The following CLEC16A variants were observed in gnomAD, a reference collection of about 807,000 sequenced individuals.
CLEC16A encodes the protein C-type lectin domain containing 16A, also known as protein CLEC16A.
A neutral mutation model predicts 109.5 loss-of-function variants in CLEC16A; 51 were observed. The observed-to-expected ratio is 0.47, with a 90% CI of 0.37 to 0.59. The LOEUF (loss-of-function observed/expected upper bound fraction) is 0.59, where lower values mean the gene tolerates loss of function less well. Ranked by LOEUF, CLEC16A falls within the 20% of genes least tolerant of loss-of-function variation. The pLI is 0.00. For missense variants in CLEC16A, 1,339 were observed against 1,394.0 expected, an observed-to-expected ratio of 0.96 and a Z score of 0.63; for synonymous variants, 673 against 564.2, an observed-to-expected ratio of 1.19 and a Z score of -2.73.
chr16:10,971,298 G>C, intron 5 of CLEC16A, 68 bp downstream of exon 5: 1 of 1,134,602 alleles, frequency 8.8e-7, no homozygotes, highest in Non-Finnish European at 1.3e-6. Flanking sequence ...ACTCCCGTGT[G>C]TGTGCGTACA....
intron 1 of CLEC16A, among the ~76,000 whole-genome samples, chr16:10,950,877 C>A (rs1046124600): frequency 3.3e-5 from 5 of 152,172 alleles, no homozygotes; most frequent in Non-Finnish European, 7.3e-5. Flanking sequence ...CTTTCTCATG[C>A]CCCACCTTGC....
At chr16:11,088,227 G>A (rs1463155345) in intron 19 of CLEC16A, among the ~76,000 whole-genome samples, 1 of 152,228 alleles carries the variant, frequency 6.6e-6, no homozygotes, top group Non-Finnish European at 1.5e-5. Context: ...CACTTCTGCA[G>A]CAGCTAACAA....
chr16:10,994,368 A>T (rs1340853321), intron 10 of CLEC16A, among the ~76,000 whole-genome samples: 1 of 152,026 alleles, frequency 6.6e-6, no homozygotes, highest in Non-Finnish European at 1.5e-5. Context: ...TCTATACATC[A>T]CCCTGGGGTA....
At chr16:11,049,869 G>A (rs876457) in intron 17 of CLEC16A, among the ~76,000 whole-genome samples, 13,609 of 152,268 alleles carry the variant, frequency 0.089, 654 homozygotes, top group African/African-American at 0.13. Flanking sequence ...CCACCCCTGC[G>A]GGGTTAGAGG....
chr16:11,080,909 C>T (rs900096275), intron 19 of CLEC16A, among the ~76,000 whole-genome samples: 1 of 152,226 alleles, frequency 6.6e-6, no homozygotes, highest in African/African-American at 2.4e-5. Context: ...CCCATGAAAT[C>T]CCTTTTGTAA....
chr16:11,065,654 G>A (rs1661553238), intron 19 of CLEC16A, among the ~76,000 whole-genome samples: 2 of 152,252 alleles, frequency 1.3e-5, no homozygotes, highest in South Asian at 4.1e-4. Flanking sequence ...GATGAGCAGG[G>A]TCCATGCTGG....
intron 10 of CLEC16A, among the ~76,000 whole-genome samples, chr16:10,996,256 G>A (rs952150895): frequency 3.3e-5 from 5 of 152,200 alleles, no homozygotes; most frequent in African/African-American, 7.2e-5. Context: ...TGAGCAGCAC[G>A]GGCTAGTGCC....
Position 11,004,315 on chromosome 16 carries a change from CT to C in CLEC16A, c.1303+1011del, listed in dbSNP as rs754748434. 2.6e-3 allele frequency among the ~76,000 whole-genome samples: 395 copies of C among 152,266 alleles called. 2 individuals carry two copies. Among genetic ancestry groups the C allele is most frequent in the Non-Finnish European group, 4.9e-3 (331 of 68,006 alleles). ...GGGTCTCTGCCCGTCGTCCTGGGCA[CT>C]GGGGCTGGGGGCAGCGGGAAGTGAT... On this transcript the variant is annotated intron_variant, in intron 11 of 23. Transcript: ENST00000409790.
intron 22 of CLEC16A, among the ~76,000 whole-genome samples, chr16:11,136,857 C>T (rs976074068): frequency 1.3e-5 from 2 of 152,236 alleles, no homozygotes; most frequent in African/African-American, 4.8e-5. Flanking sequence ...CTGAGCCAGG[C>T]AGTCCCCCGG....
At chr16:10,963,066 C>CA (rs1206248363) in intron 3 of CLEC16A, among the ~76,000 whole-genome samples, 8 of 148,984 alleles carry the variant, frequency 5.4e-5, no homozygotes, top group South Asian at 2.1e-4. Flanking sequence ...CCAACAACAA[C>CA]AAAAAAAAAA....
chr16:11,097,574 G>C (rs1465192356), intron 19 of CLEC16A, among the ~76,000 whole-genome samples: 4 of 152,142 alleles, frequency 2.6e-5, no homozygotes, highest in Non-Finnish European at 5.9e-5. Flanking sequence ...GTTCAGGGCT[G>C]TTCTAATTAA....
chr16:11,009,885 G>A (rs1373481910), intron 11 of CLEC16A, among the ~76,000 whole-genome samples: 1 of 152,150 alleles, frequency 6.6e-6, no homozygotes, highest in Non-Finnish European at 1.5e-5. Flanking sequence ...CAGGCGCAGT[G>A]GCTCACACCT....
At chr16:11,023,830 GGC>G (rs1856417845) in intron 12 of CLEC16A, among the ~76,000 whole-genome samples, 1 of 152,182 alleles carries the variant, frequency 6.6e-6, no homozygotes, top group South Asian at 2.1e-4. Flanking sequence ...CTGTTCTCTT[GGC>G]CTCAGCCTGG....
intron 19 of CLEC16A, among the ~76,000 whole-genome samples, chr16:11,075,009 C>CA (rs1353307044): frequency 6.6e-6 from 1 of 152,048 alleles, no homozygotes; most frequent in Admixed American, 6.5e-5. Context: ...CCTGTCTCTA[C>CA]AAAAATTTTT....
intron 13 of CLEC16A, among the ~76,000 whole-genome samples, chr16:11,036,544 CTTTTT>C (rs71404440): frequency 6.8e-5 from 9 of 131,900 alleles, no homozygotes; most frequent in African/African-American, 8.8e-5. Context: ...TCTAATTTTC[CTTTTT>C]TTTTTTTTTT....
At chr16:11,065,830 C>T (rs1429017483) in intron 19 of CLEC16A, among the ~76,000 whole-genome samples, 5 of 152,204 alleles carry the variant, frequency 3.3e-5, no homozygotes, top group Non-Finnish European at 5.9e-5. Context: ...TGCTGTGTCC[C>T]AGGGTCCTCA....
chr16:10,961,681 C>T lies in CLEC16A; in HGVS notation c.210-774C>T, dbSNP rs1436568552. ...ATGGGTTAGTAGGGTTTCTCCACCA[C>T]ATCAGTACCTGTGTATTTCTTTCTA... On this transcript the variant is annotated intron_variant, in intron 2 of 23. Transcript: ENST00000409790. The surrounding 1 kb of genome is among the most constrained non-coding windows in gnomAD (Gnocchi z 4.3). Among the ~76,000 whole-genome samples, 2 of 152,232 alleles carry T rather than the reference C, an allele frequency of 1.3e-5. No individual in the cohort carries two copies. The highest frequency in any genetic ancestry group is 4.8e-5 in the African/African-American group (2 of 41,454).
rs2068921385 is a variant in CLEC16A, at chr16:11,180,399, G to A, written c.*1709G>A. ...AGAGAAAACGCACAGCTCAGAAAGG[G>A]GGCCACATGGGCAGAAACCCAAAGG... is the stretch of plus-strand genomic sequence containing the variant. On this transcript the variant is annotated 3_prime_UTR_variant, in exon 24 of 24. Transcript: ENST00000409790. The A allele has an allele frequency of 6.6e-6, 1 of 152,322 alleles. No homozygotes were observed. The highest frequency in any genetic ancestry group is 1.5e-5 in the Non-Finnish European group (1 of 68,130). 9.4% of individuals were successfully genotyped at this position (152,322 alleles called of 1,614,324 possible). A position where few individuals can be genotyped will look rare whatever the true frequency, so the allele number is the denominator to read the frequency against.
intron 19 of CLEC16A, among the ~76,000 whole-genome samples, chr16:11,117,870 C>A (rs1040693490): frequency 6.6e-6 from 1 of 152,210 alleles, no homozygotes; most frequent in African/African-American, 2.4e-5. Context: ...GGATTGCATA[C>A]AGCGGTAGAC....
Sources: gnomAD v4.1 joint callset for allele counts (sites outside exome capture counted in the v4.1 genomes callset) on GRCh38, gnomAD v4.1.1 for gene constraint, Gnocchi (gnomAD v3.1) non-coding constraint, MANE v1.5 for transcripts, NCBI Gene and HGNC (gene_info 2026-07-23, HGNC 2026-07-21) for gene names.